GALNT13: variants seen among roughly 807,000 people sequenced by gnomAD.
GALNT13 encodes the protein polypeptide N-acetylgalactosaminyltransferase 13, also known as UDP-GalNAc:polypeptide N-acetylgalactosaminyltransferase 13.
GALNT13 carries 28 observed loss-of-function variants against 64.2 expected under a neutral mutation model. That is an observed-to-expected ratio of 0.44 (90% confidence interval 0.32 to 0.60). GALNT13 has a LOEUF of 0.60. Ranked by LOEUF, GALNT13 falls within the 20% of genes least tolerant of loss-of-function variation. GALNT13 has a pLI of 0.05. For missense variants in GALNT13, 577 were observed against 669.8 expected, an observed-to-expected ratio of 0.86 and a Z score of 1.53; for synonymous variants, 214 against 224.6, an observed-to-expected ratio of 0.95 and a Z score of 0.42.
the GALNT13 span, among the ~76,000 whole-genome samples, chr2:153,657,570 A>G: frequency 2.0e-5 from 3 of 152,116 alleles, no homozygotes; most frequent in Non-Finnish European, 2.9e-5. Context: ...GCAGGAGGGT[A>G]GAGTCAGGAA....
intron 4 of GALNT13, among the ~76,000 whole-genome samples, chr2:154,197,327 A>G (rs1686931193): frequency 6.6e-6 from 1 of 152,068 alleles, no homozygotes; most frequent in African/African-American, 2.4e-5. Context: ...GGGACCAGAA[A>G]CTTTCATTAT....
At chr2:153,312,590 T>C in the GALNT13 span, among the ~76,000 whole-genome samples, 2 of 152,226 alleles carry the variant, frequency 1.3e-5, no homozygotes, top group Non-Finnish European at 2.9e-5. Context: ...CCTCTGTGTG[T>C]TGATTATTCC....
chr2:153,257,127 G>A, the GALNT13 span, among the ~76,000 whole-genome samples: 3 of 152,206 alleles, frequency 2.0e-5, no homozygotes, highest in Non-Finnish European at 2.9e-5. Context: ...AGGACCCTCC[G>A]AGCCAGGTGC....
the GALNT13 span, among the ~76,000 whole-genome samples, chr2:153,567,020 G>A: frequency 6.6e-6 from 1 of 152,048 alleles, no homozygotes; most frequent in Non-Finnish European, 1.5e-5. Context: ...ATAAACTATT[G>A]ACATATTTGT....
At chr2:154,269,931 A>ATATGTGTAT (rs1691263050) in intron 8 of GALNT13, among the ~76,000 whole-genome samples, 1 of 36,774 alleles carries the variant, frequency 2.7e-5, no homozygotes, top group African/African-American at 7.7e-5. Context: ...TATATTTCTA[A>ATATGTGTAT]AGCACAGGGT....
the GALNT13 span, among the ~76,000 whole-genome samples, chr2:153,677,385 C>T: frequency 1.7e-4 from 26 of 151,278 alleles, no homozygotes; most frequent in Non-Finnish European, 3.4e-4. Context: ...AATTTTAAAA[C>T]ACTGCTTAAA....
At chr2:153,726,707 C>T in the GALNT13 span, among the ~76,000 whole-genome samples, 3 of 151,884 alleles carry the variant, frequency 2.0e-5, no homozygotes, top group East Asian at 3.9e-4. Context: ...TTTGGGAGGC[C>T]GAGGGGGCGG....
the GALNT13 span, among the ~76,000 whole-genome samples, chr2:153,669,511 T>C: frequency 5.3e-5 from 8 of 152,254 alleles, no homozygotes; most frequent in East Asian, 1.5e-3. Context: ...AAATAGAAGT[T>C]AAGATAAATA....
chr2:153,596,220 A>C, the GALNT13 span, among the ~76,000 whole-genome samples: 1 of 152,204 alleles, frequency 6.6e-6, no homozygotes, highest in Non-Finnish European at 1.5e-5. Flanking sequence ...CAGAGGTAGA[A>C]GCTGCTAAGC....
chr2:154,446,414 A>G (rs1701578209), intron 12 of GALNT13: 1 of 650,604 alleles, frequency 1.5e-6, no homozygotes, highest in Admixed American at 3.6e-5. Flanking sequence ...AAAGCCATCT[A>G]AAAAAATGTG....
the GALNT13 span, among the ~76,000 whole-genome samples, chr2:153,092,234 G>T: frequency 1.3e-5 from 2 of 152,082 alleles, no homozygotes; most frequent in Non-Finnish European, 1.5e-5. Flanking sequence ...ATGCTGTTTT[G>T]ATGACTGTGG....
At chr2:153,363,235 T>C in the GALNT13 span, among the ~76,000 whole-genome samples, 6 of 152,046 alleles carry the variant, frequency 3.9e-5, no homozygotes, top group African/African-American at 1.4e-4. Context: ...GCTAAAGCAG[T>C]GTTAACAGGG....
the GALNT13 span, among the ~76,000 whole-genome samples, chr2:153,522,178 C>T: frequency 6.6e-6 from 1 of 151,844 alleles, no homozygotes; most frequent in Non-Finnish European, 1.5e-5. Context: ...ACTAAAAATA[C>T]AAAAAATTAG....
the GALNT13 span, among the ~76,000 whole-genome samples, chr2:153,715,901 T>C: frequency 6.6e-6 from 1 of 151,880 alleles, no homozygotes; most frequent in Admixed American, 6.6e-5. Context: ...TGCAAACTGA[T>C]GTCTTTTCAT....
the GALNT13 span, among the ~76,000 whole-genome samples, chr2:153,245,650 G>A: frequency 6.6e-6 from 1 of 152,148 alleles, no homozygotes; most frequent in African/African-American, 2.4e-5. Flanking sequence ...AAGTTTATCA[G>A]CCTCAAAGAT....
chr2:153,626,522 T>G, the GALNT13 span, among the ~76,000 whole-genome samples: 13 of 152,158 alleles, frequency 8.5e-5, no homozygotes, highest in African/African-American at 2.9e-4. Flanking sequence ...CTTCTCTGAA[T>G]AGGAACATGC....
chr2:153,118,131 A>ACACACACACACC, the GALNT13 span, among the ~76,000 whole-genome samples: 13 of 150,194 alleles, frequency 8.7e-5, no homozygotes, highest in African/African-American at 2.7e-4. Flanking sequence ...ACACACACAC[A>ACACACACACACC]CACACACACA....
chr2:153,551,102 C>T, the GALNT13 span, among the ~76,000 whole-genome samples: 2 of 152,008 alleles, frequency 1.3e-5, no homozygotes, highest in African/African-American at 2.4e-5. Context: ...GAAAATATTG[C>T]CCTTTAAAGC....
the GALNT13 span, among the ~76,000 whole-genome samples, chr2:153,335,232 A>G: frequency 6.6e-6 from 1 of 152,208 alleles, no homozygotes; most frequent in Non-Finnish European, 1.5e-5. Context: ...GTAAGTTGGT[A>G]TCAGTAGAGT....
Sources: allele counts gnomAD v4.1 joint callset (sites outside exome capture counted in the v4.1 genomes callset), GRCh38; gene constraint gnomAD v4.1.1; transcripts MANE v1.5; gene names NCBI Gene and HGNC (gene_info 2026-07-23, HGNC 2026-07-21).